Variants in PRKN observed in about 807,000 individuals in gnomAD.
PRKN encodes the protein parkin RBR E3 ubiquitin protein ligase, also known as E3 ubiquitin-protein ligase parkin.
PRKN carries 56 observed loss-of-function variants against 59.5 expected under a neutral mutation model. That is an observed-to-expected ratio of 0.94 (90% CI 0.76 to 1.18). The LOEUF is 1.18. PRKN is among the 50% of genes most tolerant of loss of function. PRKN has a pLI of 0.00. For synonymous variants in PRKN, 250 were observed against 222.1 expected (o/e 1.13, Z -1.12); for missense variants, 657 against 596.4 (o/e 1.10, Z -1.06).
chr6:161,780,463 G>T (rs1458044615), intron 7 of PRKN, among the ~76,000 whole-genome samples: 1 of 152,178 alleles, frequency 6.6e-6, no homozygotes, highest in East Asian at 1.9e-4. Context: ...GGAACAGGGA[G>T]TCCCACAACC....
chr6:162,382,963 C>T (rs1034433984), intron 2 of PRKN, among the ~76,000 whole-genome samples: 4 of 152,134 alleles, frequency 2.6e-5, no homozygotes, highest in African/African-American at 7.2e-5. Flanking sequence ...CAACTCCTCA[C>T]CTGTTCATGT....
chr6:162,368,821 G>C (rs1322217424), intron 2 of PRKN, among the ~76,000 whole-genome samples: 1 of 152,140 alleles, frequency 6.6e-6, no homozygotes. Context: ...CAACAACCAA[G>C]TGTTTTTTCA....
rs1463895705 is a variant in PRKN at position 161,442,098 on chromosome 6, C to T, written c.1084-55221G>A. Among the ~76,000 whole-genome samples the T allele has an allele frequency of 6.6e-6, 1 of 152,180 alleles. No individual in the cohort carries two copies. The highest frequency in any genetic ancestry group is 6.5e-5 in the Admixed American group (1 of 15,282). On this transcript the variant is annotated intron_variant, in intron 9 of 11. Coordinates refer to ENST00000366898, the MANE Select transcript of PRKN (RefSeq NM_004562.3). The surrounding 1 kb of genome is among the most constrained non-coding windows in gnomAD (Gnocchi z 4.6). ...ACACGAGTGAGTTTTATTTTCATCC[C>T]TACTTTAATAAACATACATGTGCCA... is the stretch of plus-strand genomic sequence containing the variant.
intron 1 of PRKN, among the ~76,000 whole-genome samples, chr6:162,716,654 A>G (rs555307365): frequency 7.2e-4 from 109 of 152,324 alleles, no homozygotes; most frequent in Non-Finnish European, 2.2e-4. Flanking sequence ...ATGGGAGTCC[A>G]GGAGAATATT....
chr6:162,696,181 G>A (rs1339657772), intron 1 of PRKN, among the ~76,000 whole-genome samples: 2 of 152,136 alleles, frequency 1.3e-5, no homozygotes, highest in Non-Finnish European at 2.9e-5. Context: ...AAATGTCCCG[G>A]TAGCAATGAT....
At chr6:161,950,041 T>G (rs1280403049) in intron 6 of PRKN, among the ~76,000 whole-genome samples, 3 of 152,194 alleles carry the variant, frequency 2.0e-5, no homozygotes, top group African/African-American at 7.2e-5. Context: ...CCTGTGCTGT[T>G]TTGCTCAATG....
At chr6:162,186,590 A>G (rs1204205007) in intron 4 of PRKN, among the ~76,000 whole-genome samples, 1 of 152,120 alleles carries the variant, frequency 6.6e-6, no homozygotes, top group Non-Finnish European at 1.5e-5. Context: ...CTGTGTCCCC[A>G]CCCAAATCTC....
At position 161,552,800 on chromosome 6, in the gene PRKN, G is replaced by GTTTT. The variant is rs1270027394; in HGVS notation, c.934-3801_934-3798dup. ...GGTTTTGTTGTTGTTTTTGTTTTTT[G>GTTTT]TTTTTTTTTTTTAGACGGAGTCTCG... On this transcript the variant is annotated intron_variant, in intron 8 of 11. Transcript: ENST00000366898. The surrounding 1 kb of genome is among the most constrained non-coding windows in gnomAD (Gnocchi z 4.9). Among the ~76,000 whole-genome samples the GTTTT allele has an allele frequency of 7.2e-6, 1 of 139,786 alleles. No homozygotes were observed. The highest frequency in any genetic ancestry group is 1.5e-5 in the Non-Finnish European group (1 of 65,382). The allele number at this position is 139,786 out of a possible 152,430, so 91.7% of individuals were successfully genotyped here.
chr6:162,605,361 C>G (rs1781869745), intron 1 of PRKN, among the ~76,000 whole-genome samples: 1 of 152,028 alleles, frequency 6.6e-6, no homozygotes, highest in Non-Finnish European at 1.5e-5. Context: ...ATGTTACTTG[C>G]CTAAGAGTTA....
chr6:162,200,050 T>C (rs1274197198), intron 4 of PRKN, among the ~76,000 whole-genome samples: 1 of 152,178 alleles, frequency 6.6e-6, no homozygotes, highest in African/African-American at 2.4e-5. Context: ...CCCTGGTTTA[T>C]ACAATTTTGC....
chr6:162,266,298 T>TTGTGTGTGTGTGTGTGTG (rs60841593), intron 2 of PRKN, among the ~76,000 whole-genome samples: 1 of 146,094 alleles, frequency 6.8e-6, no homozygotes, highest in Non-Finnish European at 1.5e-5. Flanking sequence ...TACATATATA[T>TTGTGTGTGTGTGTGTGTG]TGTGTGTGTG....
intron 2 of PRKN, among the ~76,000 whole-genome samples, chr6:162,420,426 C>T (rs76800412): frequency 1.3e-5 from 2 of 152,076 alleles, no homozygotes; most frequent in Admixed American, 6.6e-5. Flanking sequence ...AATCTAGATC[C>T]GAGGGTTTCA....
Position 162,698,986 on chromosome 6 carries a change from T to C in PRKN, c.7+28676A>G, listed in dbSNP as rs770143733. Among the ~76,000 whole-genome samples, 7 of 152,150 alleles carry C rather than the reference T, an allele frequency of 4.6e-5. No homozygotes were observed. The East Asian group carries it at 1.3e-3, about 29-fold the overall frequency. On this transcript the variant is annotated intron_variant, in intron 1 of 11. Coordinates refer to ENST00000366898, the MANE Select transcript of PRKN (RefSeq NM_004562.3). ...AACATTTTCTGAAGAGCTCTTCATT[T>C]CCATTAAAAGGGTTTTGTTAATCAT...
At chr6:162,146,061 G>A (rs545456093) in intron 4 of PRKN, among the ~76,000 whole-genome samples, 10 of 152,306 alleles carry the variant, frequency 6.6e-5, no homozygotes, top group Admixed American at 1.3e-4. Flanking sequence ...TTACTCAGGT[G>A]TGGAATGTTG....
chr6:162,191,807 A>C (rs1784287018), intron 4 of PRKN, among the ~76,000 whole-genome samples: 1 of 152,212 alleles, frequency 6.6e-6, no homozygotes. Flanking sequence ...TGCCTTGCAC[A>C]CAGAATTGAT....
intron 6 of PRKN, among the ~76,000 whole-genome samples, chr6:161,798,907 G>A (rs528152388): frequency 3.9e-5 from 6 of 152,194 alleles, no homozygotes; most frequent in African/African-American, 7.2e-5. Context: ...CACTGTGCTC[G>A]GGGCTCCCCC....
At chr6:161,580,231 T>C (rs1781282988) in intron 7 of PRKN, among the ~76,000 whole-genome samples, 1 of 152,198 alleles carries the variant, frequency 6.6e-6, no homozygotes, top group Non-Finnish European at 1.5e-5. Context: ...TTAGCCAAAA[T>C]GATGAATCTG....
intron 7 of PRKN, among the ~76,000 whole-genome samples, chr6:161,770,412 C>A (rs1464689429): frequency 1.3e-5 from 2 of 152,054 alleles, no homozygotes; most frequent in South Asian, 2.1e-4. Context: ...GAAGTTCTAA[C>A]CCCAGTTCCT....
At chr6:162,061,660 C>G (rs1055479170) in intron 4 of PRKN, among the ~76,000 whole-genome samples, 2 of 152,182 alleles carry the variant, frequency 1.3e-5, no homozygotes, top group East Asian at 3.9e-4. Flanking sequence ...AGCACAGTGC[C>G]GTGGTTAGAG....
Sources: gnomAD v4.1 joint callset for allele counts (sites outside exome capture counted in the v4.1 genomes callset) on GRCh38, gnomAD v4.1.1 for gene constraint, Gnocchi (gnomAD v3.1) non-coding constraint, MANE v1.5 for transcripts, NCBI Gene and HGNC (gene_info 2026-07-23, HGNC 2026-07-21) for gene names.